Variants in OAF observed in about 807,000 individuals in gnomAD.
OAF encodes the protein out at first homolog.
Under a neutral mutation model 22.5 loss-of-function variants are expected in OAF, and 13 were observed. The ratio of observed to expected loss-of-function variants is 0.58; its 90% CI spans 0.38 to 0.92. The LOEUF (loss-of-function observed/expected upper bound fraction) is 0.92. Among genes scored for constraint, OAF ranks in the 40% least tolerant of loss-of-function variants. The probability of loss-of-function intolerance (pLI) is 0.00; values close to 1 mark genes in which losing one functional copy is unlikely to be tolerated. For missense variants in OAF, 347 were observed against 381.8 expected, an observed-to-expected ratio of 0.91 and a Z score of 0.76; for synonymous variants, 175 against 170.5, an observed-to-expected ratio of 1.03 and a Z score of -0.21.
chr11:120,223,841 C>T (rs1938313944), intron 1 of OAF, among the ~76,000 whole-genome samples: 1 of 152,160 alleles, frequency 6.6e-6, no homozygotes, highest in African/African-American at 2.4e-5. Flanking sequence ...TGGATCCTTC[C>T]TGGGGGATCC....
chr11:120,212,838 G>A (rs138132761), intron 1 of OAF, among the ~76,000 whole-genome samples: 31 of 147,310 alleles, frequency 2.1e-4, no homozygotes, highest in African/African-American at 6.8e-4. Context: ...GGGGGGTGGG[G>A]TAGTGAGCGT....
intron 2 of OAF, 44 bp downstream of exon 2, chr11:120,225,839 AGCAGACCCGGCCCAGATCCCATCCC>A (rs770432189): frequency 3.0e-4 from 472 of 1,566,198 alleles, no homozygotes; most frequent in Middle Eastern, 1.2e-3. Flanking sequence ...CCTGACCCGC[AGCAGACCCGGCCCAGATCCCATCCC>A]GCAGACCCGG....
Position 120,226,934 on chromosome 11 carries a change from GTGCC to G in OAF, c.486_489del (p.Cys162TrpfsTer58). ...CTGAGCCCCCATCTCCACAACGTGT[GTGCC>G]GAGGCCGTGGATGCCATCTACACCC... On this transcript the variant is annotated frameshift_variant, in exon 3 of 4. Coordinates refer to ENST00000328965, the MANE Select transcript of OAF (RefSeq NM_178507.4). LOFTEE classifies it high-confidence loss of function. 3.1e-6 allele frequency: 5 copies of G among 1,610,800 alleles called. No individual in the cohort carries two copies. The highest frequency in any genetic ancestry group is 4.2e-6 in the Non-Finnish European group (5 of 1,177,656).
At chr11:120,213,041 T>C (rs745587197) in intron 1 of OAF, among the ~76,000 whole-genome samples, 3 of 151,450 alleles carry the variant, frequency 2.0e-5, no homozygotes, top group African/African-American at 4.9e-5. Context: ...AAAGTTAGCC[T>C]TAGGCCAGGC....
chr11:120,216,224 G>A (rs1303956759), intron 1 of OAF, among the ~76,000 whole-genome samples: 2 of 152,146 alleles, frequency 1.3e-5, no homozygotes, highest in African/African-American at 2.4e-5. Flanking sequence ...AAGCCTTGAG[G>A]TGCAGTCAGT....
intron 1 of OAF, among the ~76,000 whole-genome samples, chr11:120,222,572 AAAC>A (rs1490461364): frequency 6.6e-5 from 10 of 151,544 alleles, no homozygotes; most frequent in African/African-American, 4.9e-5. Flanking sequence ...AAAAAAAAAA[AAAC>A]AACCATGCAC....
intron 1 of OAF, among the ~76,000 whole-genome samples, chr11:120,222,992 C>T (rs1277406689): frequency 6.6e-6 from 1 of 152,184 alleles, no homozygotes; most frequent in Non-Finnish European, 1.5e-5. Context: ...CCTGCCTCCT[C>T]TTCTCTTATT....
In OAF at chr11:120,229,369, A is replaced by ATATAAT; in HGVS notation, c.*227_*228insTATAAT. ...CCCACCCTGTGCCTTCCTTGCGGGC[A>ATATAAT]GAGAGGGAGAGAAGGGCTCCCCAGA... On this transcript the variant is annotated 3_prime_UTR_variant, in exon 4 of 4. Transcript: ENST00000328965. 1 of 308,032 alleles carries ATATAAT rather than the reference A, an allele frequency of 3.2e-6. No individual in the cohort carries two copies. Among genetic ancestry groups the ATATAAT allele is most frequent in the Non-Finnish European group, 5.5e-6 (1 of 180,856 alleles). 19.1% of individuals were successfully genotyped at this position (308,032 alleles called of 1,614,324 possible). A position where few individuals can be genotyped will look rare whatever the true frequency, so the allele number is the denominator to read the frequency against.
chr11:120,227,228 C>G (rs1036294481), intron 3 of OAF, among the ~76,000 whole-genome samples: 1 of 152,186 alleles, frequency 6.6e-6, no homozygotes, highest in African/African-American at 2.4e-5. Flanking sequence ...CAGGGTAGAT[C>G]TGCACAGAGT....
Position 120,230,165 on chromosome 11 carries a change from C to G in OAF, c.*1023C>G, listed in dbSNP as rs1938418394. The G allele has an allele frequency of 6.6e-6, 1 of 152,178 alleles. No homozygotes were observed. The allele number at this position is 152,178 out of a possible 1,614,324, so 9.4% of individuals were successfully genotyped here. A position where few individuals can be genotyped will look rare whatever the true frequency, so the allele number is the denominator to read the frequency against. On this transcript the variant is annotated 3_prime_UTR_variant, in exon 4 of 4. Coordinates refer to ENST00000328965, the MANE Select transcript of OAF (RefSeq NM_178507.4). ...GACAATGAGACAGACATAGCTGCAA[C>G]CGTAGTAAGCCAGTCAGAAATAGCC...
intron 1 of OAF, among the ~76,000 whole-genome samples, chr11:120,216,059 GC>G (rs1379808284): frequency 6.6e-6 from 1 of 152,198 alleles, no homozygotes; most frequent in Non-Finnish European, 1.5e-5. Flanking sequence ...TCAGCTCAGG[GC>G]CGCTTCGAAG....
chr11:120,223,842 T>TG (rs911367335), intron 1 of OAF, among the ~76,000 whole-genome samples: 1 of 152,204 alleles, frequency 6.6e-6, no homozygotes, highest in African/African-American at 2.4e-5. Flanking sequence ...GGATCCTTCC[T>TG]GGGGGATCCT....
chr11:120,218,705 C>T (rs1043199820), intron 1 of OAF, among the ~76,000 whole-genome samples: 3 of 152,168 alleles, frequency 2.0e-5, no homozygotes, highest in African/African-American at 7.2e-5. Context: ...CGATGACCTG[C>T]AGCCTGGGCC....
chr11:120,227,921 C>T (rs1938383266), intron 3 of OAF, among the ~76,000 whole-genome samples: 1 of 152,024 alleles, frequency 6.6e-6, no homozygotes. Flanking sequence ...GAAGCTGGCC[C>T]CTCCCATACA....
At chr11:120,223,043 A>G (rs993184054) in intron 1 of OAF, among the ~76,000 whole-genome samples, 1 of 152,238 alleles carries the variant, frequency 6.6e-6, no homozygotes, top group Non-Finnish European at 1.5e-5. Context: ...CACGAGCCAG[A>G]GCCGCCACAT....
chr11:120,211,531 G>T, intron 1 of OAF, 21 bp downstream of exon 1: 1 of 1,428,404 alleles, frequency 7.0e-7, no homozygotes. Flanking sequence ...CTCACTCGCC[G>T]GGGTGGCACC....
chr11:120,216,032 C>T (rs1285838017), intron 1 of OAF, among the ~76,000 whole-genome samples: 1 of 152,140 alleles, frequency 6.6e-6, no homozygotes, highest in Non-Finnish European at 1.5e-5. Context: ...ATAAGGGGAA[C>T]TGTACAGCTG....
Position 120,229,025 on chromosome 11 carries a change from C to T in OAF, c.705C>T (p.Arg235=), listed in dbSNP as rs143304131. ...YPCMLKYCHS[R]DRPTPYKCGI... ...GCATGCTCAAGTACTGCCACAGCCG[C>T]GACCGGCCCACGCCCTACAAGTGTG... is the stretch of plus-strand genomic sequence containing the variant. The change falls in exon 4 of 4, where the codon CGC becomes CGT. Residue 235 remains arginine (R), a synonymous_variant. Coordinates refer to ENST00000328965, the MANE Select transcript of OAF (RefSeq NM_178507.4). 24 of 1,613,528 alleles carry T rather than the reference C, an allele frequency of 1.5e-5. No homozygotes were observed. In the African/African-American group the frequency reaches 2.1e-4, roughly 14 times the overall value.
intron 3 of OAF, 43 bp from the exon 4 acceptor site, chr11:120,228,825 T>TAACAAA: frequency 2.3e-6 from 1 of 434,174 alleles, no homozygotes; most frequent in Non-Finnish European, 4.7e-6. Flanking sequence ...GCTCCTTCCC[T>TAACAAA]CCCTCCCTCC....
Sources: gnomAD v4.1 joint callset for allele counts (sites outside exome capture counted in the v4.1 genomes callset) on GRCh38, gnomAD v4.1.1 for gene constraint, MANE v1.5 for transcripts, NCBI Gene and HGNC (gene_info 2026-07-23, HGNC 2026-07-21) for gene names.